Variants in ESRRG observed in about 807,000 individuals in gnomAD.
ESRRG encodes the protein estrogen-related receptor gamma.
A neutral mutation model predicts 44.0 loss-of-function variants in ESRRG; 13 were observed. The ratio of observed to expected loss-of-function variants is 0.30; its 90% CI spans 0.19 to 0.47. The LOEUF (loss-of-function observed/expected upper bound fraction) is 0.47. Ranked by LOEUF, ESRRG falls within the 20% of genes least tolerant of loss-of-function variation. ESRRG has a pLI of 1.00. For missense variants in ESRRG, 395 were observed against 580.6 expected, an observed-to-expected ratio of 0.68 and a Z score of 3.29; for synonymous variants, 215 against 214.6, an observed-to-expected ratio of 1.00 and a Z score of -0.02.
chr1:217,115,756 G>T (rs1028853399), intron 1 of ESRRG, among the ~76,000 whole-genome samples: 6 of 151,806 alleles, frequency 4.0e-5, no homozygotes, highest in Non-Finnish European at 8.8e-5. Flanking sequence ...TTTCTTCATA[G>T]CAGGTTTCAT....
At chr1:217,075,649 T>A (rs1027490799) in intron 1 of ESRRG, among the ~76,000 whole-genome samples, 1 of 147,376 alleles carries the variant, frequency 6.8e-6, no homozygotes. Context: ...TAAACATAGC[T>A]GGTATTAGAA....
At chr1:216,844,497 C>T (rs1352907467) in intron 2 of ESRRG, among the ~76,000 whole-genome samples, 5 of 152,072 alleles carry the variant, frequency 3.3e-5, no homozygotes, top group African/African-American at 9.7e-5. Context: ...ATGTCATATT[C>T]GATTGCTCTC....
At chr1:217,134,051 G>A (rs190164810) in intron 1 of ESRRG, among the ~76,000 whole-genome samples, 102 of 152,182 alleles carry the variant, frequency 6.7e-4, no homozygotes, top group African/African-American at 2.0e-3. Context: ...AGCGGTTTTG[G>A]GAGGGCCAGG....
In ESRRG at chr1:216,847,588, A is replaced by G. The variant is rs183904990; in HGVS notation, c.-14+91994T>C. ...GATGATGAGAGCCAGGATGAATCCC[A>G]TGAGTCATTTTAGTCCAGGCTCCTG... On this transcript the variant is annotated intron_variant, in intron 2 of 7. Coordinates refer to the ESRRG transcript ENST00000359162. Among the ~76,000 whole-genome samples the G allele has an allele frequency of 5.9e-5, 9 of 152,204 alleles. No individual in the cohort carries two copies. The East Asian group carries it at 1.4e-3, about 23-fold the overall frequency.
chr1:217,090,854 C>A (rs2092332372), upstream of ESRRG, among the ~76,000 whole-genome samples: 1 of 152,144 alleles, frequency 6.6e-6, no homozygotes, highest in African/African-American at 2.4e-5. Context: ...TGCACTGTAT[C>A]TGTTATTTTT....
At chr1:216,874,270 ACT>A (rs1261479013) in intron 2 of ESRRG, among the ~76,000 whole-genome samples, 1 of 152,054 alleles carries the variant, frequency 6.6e-6, no homozygotes. Context: ...TCACATAGTG[ACT>A]CTGAATTCTG....
At position 217,053,503 on chromosome 1, in the gene ESRRG, C is replaced by G. The variant is rs1032243285; in HGVS notation, c.-106+36004G>C. Among the ~76,000 whole-genome samples the G allele has an allele frequency of 4.2e-5, 5 of 118,520 alleles. No homozygotes were observed. The East Asian group carries it at 1.2e-3, about 27-fold the overall frequency. The allele number at this position is 118,520 out of a possible 152,430, so 77.8% of individuals were successfully genotyped here. A position where few individuals can be genotyped will look rare whatever the true frequency, so the allele number is the denominator to read the frequency against. Reference sequence around the variant, plus strand: ...AAAGAAAGAAAGAAAGAAAGAAATGCCTGCTGTAATGGGGTTGCAAAAACA... The same window carrying G: ...AAAGAAAGAAAGAAAGAAAGAAATGGCTGCTGTAATGGGGTTGCAAAAACA... On this transcript the variant is annotated intron_variant, in intron 1 of 7. Transcript: ENST00000359162.
intron 1 of ESRRG, among the ~76,000 whole-genome samples, chr1:216,951,403 G>A (rs2066923936): frequency 6.6e-6 from 1 of 152,110 alleles, no homozygotes; most frequent in African/African-American, 2.4e-5. Flanking sequence ...TTACACAATG[G>A]AGCAGAAGGC....
intron 1 of ESRRG, chr1:216,707,309 A>G (rs912655099): frequency 6.5e-7 from 1 of 1,531,026 alleles, no homozygotes; most frequent in Non-Finnish European, 8.7e-7. Context: ...TTAAGATTTA[A>G]TGGCAACTTT....
intron 1 of ESRRG, among the ~76,000 whole-genome samples, chr1:216,957,565 T>C (rs778117729): frequency 6.6e-6 from 1 of 152,050 alleles, no homozygotes; most frequent in African/African-American, 2.4e-5. Context: ...TCTAACACCA[T>C]CCATGCAATC....
chr1:217,039,084 T>C (rs765604532), intron 1 of ESRRG, among the ~76,000 whole-genome samples: 1 of 152,112 alleles, frequency 6.6e-6, no homozygotes. Context: ...TCGCATTGAG[T>C]TCCTCATTTC....
intron 3 of ESRRG, among the ~76,000 whole-genome samples, chr1:216,627,193 C>T (rs371786620): frequency 6.6e-6 from 1 of 152,164 alleles, no homozygotes; most frequent in Non-Finnish European, 1.5e-5. Context: ...ATAGGAATAA[C>T]TAGTTTGTAG....
chr1:217,036,471 C>A (rs1245980304), intron 1 of ESRRG, among the ~76,000 whole-genome samples: 1 of 152,118 alleles, frequency 6.6e-6, no homozygotes, highest in Non-Finnish European at 1.5e-5. Context: ...CATCATGGAA[C>A]ACTATGCAGC....
chr1:216,712,428 A>AGATTTCAGTGTATCAGCAGTAGTGGCG (rs2083820079), intron 1 of ESRRG, among the ~76,000 whole-genome samples: 1 of 152,234 alleles, frequency 6.6e-6, no homozygotes, highest in Admixed American at 6.5e-5. Context: ...CAGGACAAAA[A>AGATTTCAGTGTATCAGCAGTAGTGGCG]GATTTCAGTG....
intron 1 of ESRRG, among the ~76,000 whole-genome samples, chr1:216,699,070 A>G (rs1202668173): frequency 1.3e-5 from 2 of 152,220 alleles, no homozygotes; most frequent in African/African-American, 4.8e-5. Context: ...ACATAAGGTC[A>G]TCTGCTTATT....
At chr1:216,827,322 T>C (rs1463046288) in intron 2 of ESRRG, among the ~76,000 whole-genome samples, 1 of 152,232 alleles carries the variant, frequency 6.6e-6, no homozygotes, top group East Asian at 1.9e-4. Context: ...TATTCTGTCC[T>C]GGTTTTTAAA....
Position 216,645,749 on chromosome 1 carries a change from G to A in ESRRG, c.589+5224C>T, listed in dbSNP as rs1307871039. Among the ~76,000 whole-genome samples the A allele has an allele frequency of 2.6e-5, 4 of 151,756 alleles. No individual in the cohort carries two copies. The South Asian group carries it at 8.4e-4, about 32-fold the overall frequency. On this transcript the variant is annotated intron_variant, in intron 3 of 6. Transcript: ENST00000408911. ...AAAAGTAGCATGGTGGCATGGGCCT[G>A]TAGTCCCAGCTACTCAGGAAGCTGA...
chr1:216,550,559 T>C (rs1190525708), intron 5 of ESRRG, among the ~76,000 whole-genome samples: 1 of 152,086 alleles, frequency 6.6e-6, no homozygotes, highest in Admixed American at 6.6e-5. Flanking sequence ...AAAGGGATGC[T>C]AAGAGCTTGA....
intron 5 of ESRRG, among the ~76,000 whole-genome samples, chr1:216,559,738 C>A (rs1251575029): frequency 1.3e-5 from 2 of 152,018 alleles, no homozygotes; most frequent in East Asian, 3.9e-4. Context: ...CCACCAGTAC[C>A]CAGTAATGAG....
Sources: gnomAD v4.1 joint callset for allele counts (sites outside exome capture counted in the v4.1 genomes callset) on GRCh38, gnomAD v4.1.1 for gene constraint, MANE v1.5 for transcripts, NCBI Gene and HGNC (gene_info 2026-07-23, HGNC 2026-07-21) for gene names.